Variants in MTMR8 observed in about 807,000 individuals in gnomAD.
MTMR8 encodes myotubularin related protein 8.
A neutral mutation model predicts 39.3 loss-of-function variants in MTMR8; 65 were observed. The ratio of observed to expected loss-of-function variants is 1.65; its 90% CI spans 1.35 to 2.03. The LOEUF (loss-of-function observed/expected upper bound fraction) is 2.03. MTMR8 is among the 30% of genes most tolerant of loss of function. MTMR8 has a pLI of 0.00. For synonymous variants in MTMR8, 245 were observed against 185.2 expected (o/e 1.32, Z -2.62); for missense variants, 777 against 538.9 (o/e 1.44, Z -4.37).
chrX:64,312,618 A>T (rs1002278123), intron 12 of MTMR8, among the ~76,000 whole-genome samples: 1 of 112,865 alleles, frequency 8.9e-6, no homozygotes. Context: ...TCTTAATGGC[A>T]TCTAGAATAG....
chrX:64,309,124 T>G (rs974714730), intron 12 of MTMR8, among the ~76,000 whole-genome samples: 1 of 112,214 alleles, frequency 8.9e-6, no homozygotes, highest in African/African-American at 3.2e-5. Context: ...AACTTTACAA[T>G]CAGCCTGTCA....
intron 12 of MTMR8, among the ~76,000 whole-genome samples, chrX:64,279,428 AG>A (rs1321278069): frequency 8.9e-6 from 1 of 112,176 alleles, no homozygotes; most frequent in African/African-American, 3.2e-5. Flanking sequence ...TTAAGCATGC[AG>A]GTAAGAGGCT....
At chrX:64,286,663 C>G (rs1921190067) in intron 12 of MTMR8, among the ~76,000 whole-genome samples, 1 of 111,846 alleles carries the variant, frequency 8.9e-6, no homozygotes, top group Admixed American at 9.5e-5. Flanking sequence ...TCAATGTACA[C>G]AAATCAATAA....
At chrX:64,296,795 T>A (rs1224955768) in intron 12 of MTMR8, among the ~76,000 whole-genome samples, 1 of 100,841 alleles carries the variant, frequency 9.9e-6, no homozygotes, top group Admixed American at 1.1e-4. Flanking sequence ...GTGATCTCAT[T>A]GTTCAATTCC....
intron 1 of MTMR8, among the ~76,000 whole-genome samples, chrX:64,379,810 T>C (rs1318798228): frequency 2.7e-5 from 3 of 111,773 alleles, no homozygotes; most frequent in Non-Finnish European, 5.6e-5. Context: ...AATCCAACAA[T>C]GTATAAAAAT....
At chrX:64,375,981 A>G (rs772971996) in intron 1 of MTMR8, among the ~76,000 whole-genome samples, 77 of 110,954 alleles carry the variant, frequency 6.9e-4, no homozygotes, top group African/African-American at 2.5e-3. Flanking sequence ...AGTGTGTAGC[A>G]CTTCCCCTTC....
intron 12 of MTMR8, chrX:64,305,825 C>T: frequency 3.0e-6 from 1 of 336,271 alleles, no homozygotes; most frequent in South Asian, 4.3e-5. Flanking sequence ...ATAAATTGGC[C>T]ATAACCCAGG....
intron 12 of MTMR8, among the ~76,000 whole-genome samples, chrX:64,313,806 C>G (rs1298838971): frequency 8.9e-6 from 1 of 112,479 alleles, no homozygotes. Context: ...CCATCTTAGC[C>G]TGGTTAAGAA....
intron 12 of MTMR8, among the ~76,000 whole-genome samples, chrX:64,285,913 G>A (rs1257142719): frequency 9.0e-6 from 1 of 111,343 alleles, no homozygotes; most frequent in South Asian, 3.8e-4. Flanking sequence ...ACAATTAAAA[G>A]AACTAGAGAA....
At chrX:64,335,441 A>G (rs1923049573) in intron 10 of MTMR8, among the ~76,000 whole-genome samples, 1 of 112,082 alleles carries the variant, frequency 8.9e-6, no homozygotes, top group Admixed American at 9.4e-5. Flanking sequence ...CAAATCTCAA[A>G]TTTTATTTGC....
intron 12 of MTMR8, among the ~76,000 whole-genome samples, chrX:64,319,424 A>C (rs1178917662): frequency 1.8e-5 from 2 of 112,020 alleles, no homozygotes; most frequent in African/African-American, 6.5e-5. Context: ...CCCATTTGTC[A>C]ATTTTGGCTT....
intron 12 of MTMR8, among the ~76,000 whole-genome samples, chrX:64,285,876 A>C (rs1326924602): frequency 9.0e-6 from 1 of 111,715 alleles, no homozygotes; most frequent in African/African-American, 3.3e-5. Context: ...GAAAGCAGGA[A>C]AGATCTAAAA....
intron 1 of MTMR8, among the ~76,000 whole-genome samples, chrX:64,383,075 T>C (rs912961290): frequency 1.8e-5 from 2 of 111,734 alleles, no homozygotes; most frequent in Non-Finnish European, 3.8e-5. Context: ...ACACCAAGTA[T>C]TGAGCTTTAC....
intron 12 of MTMR8, among the ~76,000 whole-genome samples, chrX:64,300,428 G>A (rs1442265315): frequency 9.0e-6 from 1 of 110,944 alleles, no homozygotes; most frequent in African/African-American, 3.3e-5. Context: ...CCATTTGCTT[G>A]GTAGAGCTTC....
intron 12 of MTMR8, among the ~76,000 whole-genome samples, chrX:64,295,261 C>CAT (rs1174780822): frequency 1.1e-3 from 117 of 110,740 alleles, no homozygotes; most frequent in African/African-American, 3.5e-3. Context: ...CACACACACA[C>CAT]AAAATTGTTT....
At chrX:64,321,477 G>A (rs939403840) in intron 12 of MTMR8, among the ~76,000 whole-genome samples, 1 of 111,998 alleles carries the variant, frequency 8.9e-6, no homozygotes, top group Non-Finnish European at 1.9e-5. Context: ...ACAGATTTCA[G>A]CAGGTAAAAG....
chrX:64,389,946 A>G (rs960255797), intron 1 of MTMR8, among the ~76,000 whole-genome samples: 2 of 112,066 alleles, frequency 1.8e-5, no homozygotes, highest in Non-Finnish European at 3.8e-5. Context: ...ATCACAGTGA[A>G]GCCAACTGGA....
chrX:64,366,252 A>C (rs995922979), intron 1 of MTMR8, among the ~76,000 whole-genome samples: 1 of 111,883 alleles, frequency 8.9e-6, no homozygotes, highest in African/African-American at 3.3e-5. Context: ...GGCACCAAGC[A>C]GACCTAACAG....
At chrX:64,382,609 T>C (rs1265283005) in intron 1 of MTMR8, among the ~76,000 whole-genome samples, 5 of 111,327 alleles carry the variant, frequency 4.5e-5, no homozygotes, top group African/African-American at 1.6e-4. Context: ...TTCTCCTGCC[T>C]GATTGCTCTG....
Sources: gnomAD v4.1 joint callset for allele counts (sites outside exome capture counted in the v4.1 genomes callset) on GRCh38, gnomAD v4.1.1 for gene constraint, MANE v1.5 for transcripts, NCBI Gene and HGNC (gene_info 2026-07-23, HGNC 2026-07-21) for gene names.